AFF1: variants seen among roughly 807,000 people sequenced by gnomAD.
AFF1 encodes ALF transcription elongation factor 1.
Under a neutral mutation model 121.7 loss-of-function variants are expected in AFF1, and 48 were observed. That is an observed-to-expected ratio of 0.39 (90% CI 0.31 to 0.50). The LOEUF is 0.50. Among genes scored for constraint, AFF1 ranks in the 20% least tolerant of loss-of-function variants. The probability of loss-of-function intolerance (pLI) is 0.76; values close to 1 mark genes in which losing one functional copy is unlikely to be tolerated. For synonymous variants in AFF1, 613 were observed against 563.0 expected (o/e 1.09, Z -1.26); for missense variants, 1,523 against 1,511.7 (o/e 1.01, Z -0.12).
At chr4:87,061,803 A>G (rs1720816036) in intron 4 of AFF1, among the ~76,000 whole-genome samples, 1 of 152,200 alleles carries the variant, frequency 6.6e-6, no homozygotes, top group South Asian at 2.1e-4. Flanking sequence ...CAGACATGCA[A>G]AAGACCTATC....
chr4:87,036,696 A>T (rs563339831), intron 2 of AFF1: 1 of 389,090 alleles, frequency 2.6e-6, no homozygotes, highest in African/African-American at 2.1e-5. Flanking sequence ...AAATAGACTT[A>T]TGAGATCTAT....
chr4:86,975,378 G>A (rs2149484380), intron 2 of AFF1, among the ~76,000 whole-genome samples: 2 of 152,270 alleles, frequency 1.3e-5, no homozygotes, highest in Middle Eastern at 6.8e-3. Flanking sequence ...CACCTCCCAA[G>A]TAGCTGGGAC....
chr4:87,003,103 A>G (rs999666425), intron 2 of AFF1, among the ~76,000 whole-genome samples: 2 of 152,102 alleles, frequency 1.3e-5, no homozygotes, highest in Admixed American at 1.3e-4. Flanking sequence ...GTAATTTTAG[A>G]TGTATTATAA....
chr4:87,021,523 CATT>C (rs1462601829), intron 2 of AFF1, among the ~76,000 whole-genome samples: 1 of 152,184 alleles, frequency 6.6e-6, no homozygotes, highest in African/African-American at 2.4e-5. Flanking sequence ...TTCACAGTAT[CATT>C]GTTTCTGTGG....
intron 2 of AFF1, among the ~76,000 whole-genome samples, chr4:87,029,735 T>G (rs949725541): frequency 1.3e-5 from 2 of 152,196 alleles, no homozygotes; most frequent in Non-Finnish European, 1.5e-5. Context: ...AAGTCCGTTA[T>G]TCACTTTAAG....
intron 2 of AFF1, among the ~76,000 whole-genome samples, chr4:87,044,028 G>A (rs1020294206): frequency 2.0e-5 from 3 of 152,088 alleles, no homozygotes; most frequent in Non-Finnish European, 4.4e-5. Context: ...ATGTTGGCCA[G>A]GATGGTCTCG....
intron 2 of AFF1, among the ~76,000 whole-genome samples, chr4:86,989,981 A>G (rs972331203): frequency 6.6e-6 from 1 of 152,134 alleles, no homozygotes; most frequent in African/African-American, 2.4e-5. Context: ...AACAGTGAGA[A>G]CACATGGACA....
At position 87,050,234 on chromosome 4, in the gene AFF1, G is replaced by C. The variant is rs887700048; in HGVS notation, c.1059+2640G>C. Among the ~76,000 whole-genome samples, 10 of 151,480 alleles carry C rather than the reference G, an allele frequency of 6.6e-5. 1 individual carries two copies. Among genetic ancestry groups the C allele is most frequent in the African/African-American group, 1.9e-4 (8 of 41,130 alleles). ...TGTCTCTTGGTAGAGCTGGGAGAAG[G>C]GGGTGTGGGAGTAGCTGAGTGATTT... On this transcript the variant is annotated intron_variant, in intron 4 of 20. Coordinates refer to ENST00000395146, the MANE Select transcript of AFF1 (RefSeq NM_001166693.3).
At chr4:86,979,594 A>G (rs1723573095) in intron 2 of AFF1, among the ~76,000 whole-genome samples, 1 of 152,212 alleles carries the variant, frequency 6.6e-6, no homozygotes, top group South Asian at 2.1e-4. Flanking sequence ...CTTATTTTAA[A>G]ATATCAAACC....
At chr4:86,979,992 C>G (rs192340135) in intron 2 of AFF1, among the ~76,000 whole-genome samples, 70 of 152,300 alleles carry the variant, frequency 4.6e-4, no homozygotes, top group Non-Finnish European at 8.5e-4. Context: ...CTCACTGCAA[C>G]CTCTGCCTCC....
chr4:86,997,198 C>T (rs760525257), intron 2 of AFF1, among the ~76,000 whole-genome samples: 60 of 152,104 alleles, frequency 3.9e-4, no homozygotes, highest in Non-Finnish European at 8.1e-4. Context: ...AGGCATGAGC[C>T]ACCACGCTTG....
chr4:86,953,312 A>T (rs1221873853), intron 2 of AFF1, among the ~76,000 whole-genome samples: 1 of 152,178 alleles, frequency 6.6e-6, no homozygotes, highest in African/African-American at 2.4e-5. Flanking sequence ...TAGGTATTTA[A>T]TCTTTTATTT....
At chr4:87,124,016 G>A (rs1457838508) in intron 12 of AFF1, among the ~76,000 whole-genome samples, 1 of 152,128 alleles carries the variant, frequency 6.6e-6, no homozygotes, top group Non-Finnish European at 1.5e-5. Context: ...CAGTATGTGG[G>A]CTTCCTCCTG....
rs538346700 is a variant in AFF1 at position 87,135,759 on chromosome 4, A to G, written c.*58A>G. ...CTATTTTTGCACATTGGAAGCCTCA[A>G]AAACAGTCCAGACATTTGTTTCATC... On this transcript the variant is annotated 3_prime_UTR_variant, in exon 21 of 21. Transcript: ENST00000395146. The G allele has an allele frequency of 1.5e-5, 23 of 1,569,782 alleles. No individual in the cohort carries two copies. In the African/African-American group the frequency reaches 3.0e-4, roughly 20 times the overall value.
At chr4:87,063,647 CAG>C (rs1721040658) in intron 4 of AFF1, among the ~76,000 whole-genome samples, 1 of 152,098 alleles carries the variant, frequency 6.6e-6, no homozygotes, top group Non-Finnish European at 1.5e-5. Context: ...TTCTAATGGA[CAG>C]AGCTATGGAG....
chr4:86,947,030 AAG>A (rs1191210889), intron 1 of AFF1, among the ~76,000 whole-genome samples: 1 of 152,182 alleles, frequency 6.6e-6, no homozygotes, highest in Non-Finnish European at 1.5e-5. Context: ...CCTGCAAGTC[AAG>A]AGAGAGAAAG....
At position 87,062,227 on chromosome 4, in the gene AFF1, C is replaced by T. The variant is rs1169623290; in HGVS notation, c.1059+14633C>T. On this transcript the variant is annotated intron_variant, in intron 4 of 20. Transcript: ENST00000395146. ...TTTCTCGCAGTTTTAGAGATTGGGA[C>T]GTCCAAGATCAAGGTGCTAACAGAT... Among the ~76,000 whole-genome samples the T allele has an allele frequency of 3.3e-5, 5 of 152,256 alleles. No individual in the cohort carries two copies. In the East Asian group the frequency reaches 5.8e-4, roughly 18 times the overall value.
At chr4:86,987,721 G>A (rs756887657) in intron 2 of AFF1, among the ~76,000 whole-genome samples, 5 of 152,188 alleles carry the variant, frequency 3.3e-5, no homozygotes, top group Non-Finnish European at 7.3e-5. Context: ...GGGAGGCCGA[G>A]GCGGGTGGAT....
chr4:87,098,065 T>C (rs1051833629), intron 8 of AFF1, among the ~76,000 whole-genome samples: 1 of 152,184 alleles, frequency 6.6e-6, no homozygotes, highest in Non-Finnish European at 1.5e-5. Flanking sequence ...ATCTAGGTCT[T>C]AATGCTTTTT....
Sources: gnomAD v4.1 joint callset for allele counts (sites outside exome capture counted in the v4.1 genomes callset) on GRCh38, gnomAD v4.1.1 for gene constraint, MANE v1.5 for transcripts, NCBI Gene and HGNC (gene_info 2026-07-23, HGNC 2026-07-21) for gene names.